The following INTS1 variants were observed in gnomAD, a reference collection of about 807,000 sequenced individuals.
The protein encoded by INTS1 is integrator complex subunit 1.
Under a neutral mutation model 241.6 loss-of-function variants are expected in INTS1, and 137 were observed. The ratio of observed to expected loss-of-function variants is 0.57; its 90% CI spans 0.49 to 0.65. INTS1 has a LOEUF of 0.65. INTS1 is among the 30% of genes least tolerant of loss of function. The pLI, the probability that INTS1 is intolerant of heterozygous loss-of-function variation, is 0.00. For synonymous variants in INTS1, 1,692 were observed against 1,337.8 expected (o/e 1.26, Z -5.78); for missense variants, 3,073 against 3,032.2 (o/e 1.01, Z -0.32).
At chr7:1,483,004 G>A in intron 26 of INTS1, 3 of 384,916 alleles carry the variant, frequency 7.8e-6, no homozygotes, top group Non-Finnish European at 9.5e-6. Flanking sequence ...TTGCTTGGCT[G>A]GACCAGGTCC....
intron 2 of INTS1, 48 bp downstream of exon 2, chr7:1,503,854 CA>C: frequency 3.5e-6 from 5 of 1,430,988 alleles, no homozygotes; most frequent in Non-Finnish European, 4.8e-6. Flanking sequence ...CAAAGACCCC[CA>C]AAGACCCCCA....
At position 1,503,978 on chromosome 7, in the gene INTS1, G is replaced by A. The variant is rs754488668; in HGVS notation, c.-18C>T. The A allele has an allele frequency of 1.9e-6, 3 of 1,539,416 alleles. No individual in the cohort carries two copies. The highest frequency in any genetic ancestry group is 2.6e-6 in the Non-Finnish European group (3 of 1,142,562). ...CGGTTCATCCTGCCCCGTCCCTCGC[G>A]GCTCCCGGCGGCTGCGGCGTCACCT... On this transcript the variant is annotated 5_prime_UTR_variant, in exon 2 of 48. Transcript: ENST00000404767.
In INTS1 at chr7:1,477,748, C is replaced by T. The variant is rs777311430; in HGVS notation, c.4814+5G>A. ...ACCCTGGCCGTGTGCAGCACCCCAG[C>T]TCACCTGCCACCGTCCGCACCCGGC... On this transcript the variant is annotated splice_donor_5th_base_variant and intron_variant, in intron 34 of 47. Coordinates refer to ENST00000404767, the MANE Select transcript of INTS1 (RefSeq NM_001080453.3). 1.1e-5 allele frequency: 17 copies of T among 1,611,672 alleles called. No individual in the cohort carries two copies. Among genetic ancestry groups the T allele is most frequent in the Non-Finnish European group, 1.3e-5 (15 of 1,179,554 alleles).
intron 42 of INTS1, 39 bp downstream of exon 42, chr7:1,473,527 C>T (rs1374765003): frequency 1.5e-5 from 23 of 1,557,414 alleles, no homozygotes; most frequent in African/African-American, 6.8e-5. Flanking sequence ...GGACCCTCGC[C>T]GGAGGCCCGA....
At position 1,503,888 on chromosome 7, in the gene INTS1, A is replaced by G. The variant is rs2128546438; in HGVS notation, c.58+15T>C. ...CCAAAGACCCCCGGGCTGCAGAGCGAGGAGGGAGACGCACCTGAGGGTTTG... is the reference window on the plus strand; with the variant it reads ...CCAAAGACCCCCGGGCTGCAGAGCGGGGAGGGAGACGCACCTGAGGGTTTG... On this transcript the variant is annotated intron_variant, in intron 2 of 47. Transcript: ENST00000404767. The G allele has an allele frequency of 7.1e-7, 1 of 1,410,672 alleles. No individual in the cohort carries two copies. The highest frequency in any genetic ancestry group is 9.5e-7 in the Non-Finnish European group (1 of 1,052,444). 87.4% of individuals were successfully genotyped at this position (1,410,672 alleles called of 1,614,324 possible).
rs2128542605 is a variant in INTS1 at position 1,495,480 on chromosome 7, A to C, written c.1785T>G (p.Thr595=). The change falls in exon 13 of 48, where the codon ACT becomes ACG. Residue 595 remains threonine, a synonymous_variant. Coordinates refer to ENST00000404767, the MANE Select transcript of INTS1 (RefSeq NM_001080453.3). The part of the protein sequence containing the change: ...IQRDAVWWLH[T]VVPSISKLAP... ...CGAGCTTGCTGATGGAGGGGACCAC[A>C]GTGTGGAGCCACCAGACGGCATCCC... 6.2e-7 allele frequency: 1 copy of C among 1,612,734 alleles called. No homozygotes were observed. Among genetic ancestry groups the C allele is most frequent in the Non-Finnish European group, 8.5e-7 (1 of 1,179,732 alleles).
At chr7:1,498,312 A>C in intron 10 of INTS1, 100 bp downstream of exon 10, 3 of 1,516,540 alleles carry the variant, frequency 2.0e-6, no homozygotes, top group South Asian at 2.4e-5. Flanking sequence ...TCTCCCACGA[A>C]GCACTGCCAA....
At chr7:1,480,187 T>G in intron 30 of INTS1, 130 bp downstream of exon 30, 2 of 1,085,646 alleles carry the variant, frequency 1.8e-6, no homozygotes, top group East Asian at 5.2e-5. Context: ...TAAAGGCCGC[T>G]GTGCGTGTGC....
At chr7:1,496,287 G>A in intron 11 of INTS1, 23 bp from the exon 12 acceptor site, 1 of 1,598,124 alleles carries the variant, frequency 6.3e-7, no homozygotes, top group Non-Finnish European at 8.6e-7. Context: ...CACGGGGTCT[G>A]TATCCAGAAG....
At position 1,499,245 on chromosome 7, in the gene INTS1, A is replaced by G; in HGVS notation, c.950+10T>C. The G allele has an allele frequency of 6.2e-7, 1 of 1,608,902 alleles. No homozygotes were observed. Among genetic ancestry groups the G allele is most frequent in the Non-Finnish European group, 8.5e-7 (1 of 1,178,924 alleles). The stretch of plus-strand genomic sequence containing the variant: ...CGCCCCCAACTGGGACCGGGCAGGC[A>G]CGCAGCTACCTGGGCATGAGCTGGC... On this transcript the variant is annotated intron_variant, in intron 7 of 47. Coordinates refer to ENST00000404767, the MANE Select transcript of INTS1 (RefSeq NM_001080453.3).
At chr7:1,502,810 C>A (rs1783255733) in intron 3 of INTS1, 91 bp downstream of exon 3, 3 of 1,399,204 alleles carry the variant, frequency 2.1e-6, no homozygotes, top group East Asian at 4.6e-5. Context: ...GCCATACGGG[C>A]AGCACTAGGC....
chr7:1,499,775 G>T, intron 5 of INTS1, 109 bp downstream of exon 5: 2 of 1,476,406 alleles, frequency 1.4e-6, no homozygotes, highest in Non-Finnish European at 1.8e-6. Context: ...ATCACCACCA[G>T]GGCTGTCAGA....
Position 1,498,971 on chromosome 7 carries a change from G to A in INTS1, c.1137+4C>T, listed in dbSNP as rs765907885. The A allele has an allele frequency of 3.7e-5, 37 of 996,982 alleles. No individual in the cohort carries two copies. Among genetic ancestry groups the A allele is most frequent in the South Asian group, 9.6e-5 (6 of 62,272 alleles). 61.8% of individuals were successfully genotyped at this position (996,982 alleles called of 1,614,324 possible). A position where few individuals can be genotyped will look rare whatever the true frequency, so the allele number is the denominator to read the frequency against. ...CCGCCCACCCCCCCGGGGCGCCCCCGCACCTTGGGGTTCTGCAGCCACATC... is the reference window on the plus strand; with the variant it reads ...CCGCCCACCCCCCCGGGGCGCCCCCACACCTTGGGGTTCTGCAGCCACATC... On this transcript the variant is annotated splice_donor_region_variant and intron_variant, in intron 8 of 47. Coordinates refer to ENST00000404767, the MANE Select transcript of INTS1 (RefSeq NM_001080453.3).
rs757455650 is a variant in INTS1, at chr7:1,485,364, A to G, written c.3082T>C (p.Trp1028Arg). 1 of 1,612,502 alleles carries G rather than the reference A, an allele frequency of 6.2e-7. No individual in the cohort carries two copies. Among genetic ancestry groups the G allele is most frequent in the Non-Finnish European group, 8.5e-7 (1 of 1,179,800 alleles). Residue 1028 changes from tryptophan to arginine, a missense_variant, in exon 23 of 48, where the codon TGG (tryptophan) becomes CGG (arginine). Trp to Arg is a moderately radical substitution (Grantham distance 101). Transcript: ENST00000404767. ...AGGCGAGGCAGGTCCCGCAGCAGCC[A>G]CTGATAGCCCTGCAGCACATCTGTG... ...GDTDVLQGYQ[W>R]LLRDLPRLPL...
chr7:1,485,336 G>C lies in INTS1; in HGVS notation c.3110C>G (p.Pro1037Arg). 6.2e-7 allele frequency: 1 copy of C among 1,611,822 alleles called. No homozygotes were observed. Among genetic ancestry groups the C allele is most frequent in the Non-Finnish European group, 8.5e-7 (1 of 1,179,768 alleles). The change falls in exon 23 of 48, where the codon CCT (proline) becomes CGT (arginine). Residue 1037 changes from proline to arginine, a missense_variant. Transcript: ENST00000404767. ...GGTGCTCCTGACGCTGTCGAACAGA[G>C]GCAGGCGAGGCAGGTCCCGCAGCAG... is the stretch of plus-strand genomic sequence containing the variant. ...QWLLRDLPRL[P>R]LFDSVRSTTA...
Position 1,473,167 on chromosome 7 carries a change from T to C in INTS1, c.5975A>G (p.Asn1992Ser), listed in dbSNP as rs1781551362. 1 of 1,611,654 alleles carries C rather than the reference T, an allele frequency of 6.2e-7. No homozygotes were observed. The highest frequency in any genetic ancestry group is 8.5e-7 in the Non-Finnish European group (1 of 1,179,078). ...GGATTTCAGCATCACCAGGTCACTG[T>C]TGTCGAAGGACAGGTCGCTGGGGAG... ...ADPLHDLSFDNSDLVMLKSLL... is the reference protein window; with the variant it reads ...ADPLHDLSFDSSDLVMLKSLL... The change falls in exon 43 of 48, where the codon AAC becomes AGC. Residue 1992 changes from asparagine to serine, a missense_variant. Transcript: ENST00000404767.
In INTS1 at chr7:1,470,739, T is replaced by C. The variant is rs1043354292; in HGVS notation, c.6458-47A>G. ...GCACGTCACGCTGGCCACAACATCCTGGCCGCAGTGACCAGACCTCGGGAC... is the reference window on the plus strand; with the variant it reads ...GCACGTCACGCTGGCCACAACATCCCGGCCGCAGTGACCAGACCTCGGGAC... On this transcript the variant is annotated intron_variant, in intron 47 of 47. Transcript: ENST00000404767. 11 of 1,488,624 alleles carry C rather than the reference T, an allele frequency of 7.4e-6. No homozygotes were observed. In the African/African-American group the frequency reaches 9.8e-5, roughly 13 times the overall value. 92.2% of individuals were successfully genotyped at this position (1,488,624 alleles called of 1,614,324 possible).
chr7:1,475,694 C>T (rs781376675), intron 39 of INTS1, among the ~76,000 whole-genome samples: 1 of 151,094 alleles, frequency 6.6e-6, no homozygotes, highest in Admixed American at 6.6e-5. Flanking sequence ...AACCAACGGC[C>T]GATCCACACA....
chr7:1,500,387 G>A (rs781732118), intron 3 of INTS1, 21 bp from the exon 4 acceptor site: 26 of 1,533,446 alleles, frequency 1.7e-5, no homozygotes, highest in African/African-American at 8.1e-5. Flanking sequence ...CAGGCGGTAC[G>A]GTCAGAACGG....
Sources: gnomAD v4.1 joint callset for allele counts (sites outside exome capture counted in the v4.1 genomes callset) on GRCh38, gnomAD v4.1.1 for gene constraint, MANE v1.5 for transcripts, NCBI Gene and HGNC (gene_info 2026-07-23, HGNC 2026-07-21) for gene names.